SKIC3: variants seen among roughly 807,000 people sequenced by gnomAD.
The protein encoded by SKIC3 is superkiller complex protein 3.
At chr5:95,477,055 C>T in the SKIC3 span, among the ~76,000 whole-genome samples, 2 of 152,250 alleles carry the variant, frequency 1.3e-5, no homozygotes, top group Middle Eastern at 3.4e-3. Flanking sequence ...AAAAGAGTGT[C>T]TACTTCTCCA....
At chr5:95,543,591 A>C in the SKIC3 span, among the ~76,000 whole-genome samples, 10 of 152,266 alleles carry the variant, frequency 6.6e-5, no homozygotes, top group African/African-American at 2.4e-4. Context: ...ATGCCTCCCC[A>C]TGCTCTTTGA....
At chr5:95,510,273 C>A in the SKIC3 span, among the ~76,000 whole-genome samples, 4 of 152,316 alleles carry the variant, frequency 2.6e-5, no homozygotes, top group East Asian at 5.8e-4. Flanking sequence ...TCCATGCTGT[C>A]CTCGTTCATT....
chr5:95,495,774 C>T, the SKIC3 span, among the ~76,000 whole-genome samples: 1 of 152,138 alleles, frequency 6.6e-6, no homozygotes, highest in African/African-American at 2.4e-5. Flanking sequence ...AATATTGGGT[C>T]CCATCTCAAG....
At chr5:95,554,420 G>A in the SKIC3 span, among the ~76,000 whole-genome samples, 24,611 of 152,022 alleles carry the variant, frequency 0.16, 2,172 homozygotes, top group East Asian at 0.33. Context: ...AAAAGAGACC[G>A]GTTTTTATTC....
At chr5:95,502,068 TA>T in the SKIC3 span, among the ~76,000 whole-genome samples, 1 of 152,276 alleles carries the variant, frequency 6.6e-6, no homozygotes, top group Admixed American at 6.5e-5. Flanking sequence ...AAGTTTATCC[TA>T]TAGAACTGGT....
chr5:95,513,445 G>A, the SKIC3 span: 6 of 1,020,120 alleles, frequency 5.9e-6, no homozygotes, highest in Non-Finnish European at 9.0e-6. Context: ...CTCCTGCCTT[G>A]GCATCCCAAA....
the SKIC3 span, chr5:95,547,294 A>T: frequency 1.4e-6 from 1 of 707,132 alleles, no homozygotes; most frequent in Non-Finnish European, 2.5e-6. Flanking sequence ...TAGAATATAC[A>T]CAGTTTATTC....
At chr5:95,486,499 A>G in the SKIC3 span, among the ~76,000 whole-genome samples, 1 of 152,128 alleles carries the variant, frequency 6.6e-6, no homozygotes. Flanking sequence ...GCTGCTCCCA[A>G]CAAAGCATTT....
chr5:95,484,992 T>C, the SKIC3 span: 2 of 820,426 alleles, frequency 2.4e-6, no homozygotes, highest in Middle Eastern at 3.5e-4. Flanking sequence ...CCATAGACTA[T>C]CCTGACAAGT....
chr5:95,541,331 A>G, the SKIC3 span: 1 of 1,613,866 alleles, frequency 6.2e-7, no homozygotes. Context: ...TCTTGGTAAT[A>G]TAGATCCACA....
At chr5:95,529,419 C>A in the SKIC3 span, 2 of 392,752 alleles carry the variant, frequency 5.1e-6, no homozygotes, top group Non-Finnish European at 4.8e-6. Flanking sequence ...TGCTAAAAAT[C>A]TTTTACTGAT....
the SKIC3 span, among the ~76,000 whole-genome samples, chr5:95,493,409 A>G: frequency 6.6e-6 from 1 of 152,180 alleles, no homozygotes; most frequent in South Asian, 2.1e-4. Context: ...TCCTTACACA[A>G]TCAAAGGCTA....
the SKIC3 span, among the ~76,000 whole-genome samples, chr5:95,545,102 A>G: frequency 6.6e-6 from 1 of 152,178 alleles, no homozygotes; most frequent in African/African-American, 2.4e-5. Flanking sequence ...TATTTGGTGG[A>G]ATTAATATCT....
the SKIC3 span, among the ~76,000 whole-genome samples, chr5:95,481,982 A>C: frequency 3.3e-5 from 5 of 152,338 alleles, no homozygotes; most frequent in East Asian, 9.6e-4. Context: ...CAAAGCACAC[A>C]GTGATCATTG....
the SKIC3 span, among the ~76,000 whole-genome samples, chr5:95,508,514 T>C: frequency 6.6e-6 from 1 of 152,350 alleles, no homozygotes; most frequent in Middle Eastern, 3.4e-3. Flanking sequence ...CTGCCTAGAA[T>C]GGTCCTGCCT....
chr5:95,478,444 T>G, the SKIC3 span: 7 of 1,613,800 alleles, frequency 4.3e-6, no homozygotes. Context: ...TGCCAGCCAC[T>G]AAGAAACAAA....
At chr5:95,466,572 T>C in the SKIC3 span, among the ~76,000 whole-genome samples, 29 of 152,270 alleles carry the variant, frequency 1.9e-4, no homozygotes, top group Admixed American at 1.4e-3. Flanking sequence ...CTATAAGGGG[T>C]ATATCATATC....
At chr5:95,505,383 T>C in the SKIC3 span, among the ~76,000 whole-genome samples, 1 of 152,210 alleles carries the variant, frequency 6.6e-6, no homozygotes, top group Non-Finnish European at 1.5e-5. Context: ...TGTTTTTGGA[T>C]ACATACATAT....
At chr5:95,523,177 G>C in the SKIC3 span, 1 of 1,613,182 alleles carries the variant, frequency 6.2e-7, no homozygotes, top group South Asian at 1.1e-5. Flanking sequence ...GTCTAACATA[G>C]TTTAAATACA....
Sources: allele counts gnomAD v4.1 joint callset (sites outside exome capture counted in the v4.1 genomes callset), GRCh38; gene constraint gnomAD v4.1.1; transcripts MANE v1.5; gene names NCBI Gene and HGNC (gene_info 2026-07-23, HGNC 2026-07-21).